Variants in APOLD1 observed in about 807,000 individuals in gnomAD.
APOLD1 encodes the protein apolipoprotein L domain-containing protein 1.
APOLD1 carries 22 observed loss-of-function variants against 15.3 expected under a neutral mutation model. That is an observed-to-expected ratio of 1.44 (90% confidence interval 1.03 to 2.05). The LOEUF is 2.05. APOLD1 is among the 30% of genes most tolerant of loss of function. The pLI is 0.00. For missense variants in APOLD1, 394 were observed against 353.5 expected (o/e 1.11, Z -0.92); for synonymous variants, 190 against 167.4 (o/e 1.13, Z -1.04).
At chr12:12,775,711 A>T (rs1461645998) in intron 1 of APOLD1, among the ~76,000 whole-genome samples, 1 of 152,204 alleles carries the variant, frequency 6.6e-6, no homozygotes, top group Non-Finnish European at 1.5e-5. Flanking sequence ...TACATTTTTT[A>T]AAAAACGATT....
rs1164458014 is a variant in APOLD1 at position 12,788,257 on chromosome 12, G to T, written c.*605G>T. ...CAGATGCGGCCTGGGTATGAAGTAG[G>T]CCTTTCCTGAGTGGCTCCCAATCCA... On this transcript the variant is annotated 3_prime_UTR_variant, in exon 2 of 2. Transcript: ENST00000356591. 6.6e-6 allele frequency: 1 copy of T among 152,356 alleles called. No homozygotes were observed. Among genetic ancestry groups the T allele is most frequent in the Non-Finnish European group, 1.5e-5 (1 of 68,226 alleles). The allele number at this position is 152,356 out of a possible 1,614,324, so 9.4% of individuals were successfully genotyped here.
In APOLD1 at chr12:12,791,463, C is replaced by A. The variant is rs1450248936; in HGVS notation, c.*3811C>A. On this transcript the variant is annotated 3_prime_UTR_variant, in exon 2 of 2. Coordinates refer to ENST00000356591, the MANE Select transcript of APOLD1 (RefSeq NM_030817.3). ...TTATTGAAATAAATTGCTCATTCCTCAAATTTTTTTATCTTTCTGTAATTA... is the reference window on the plus strand; with the variant it reads ...TTATTGAAATAAATTGCTCATTCCTAAAATTTTTTTATCTTTCTGTAATTA... The A allele has an allele frequency of 6.6e-6, 1 of 152,148 alleles. No individual in the cohort carries two copies. The highest frequency in any genetic ancestry group is 1.9e-4 in the East Asian group (1 of 5,204). 9.4% of individuals were successfully genotyped at this position (152,148 alleles called of 1,614,324 possible). A position where few individuals can be genotyped will look rare whatever the true frequency, so the allele number is the denominator to read the frequency against.
rs1947145623 is a variant in APOLD1, at chr12:12,787,722, C to G, written c.*70C>G. On this transcript the variant is annotated 3_prime_UTR_variant, in exon 2 of 2. Transcript: ENST00000356591. This position sits in a 1 kb window ranked among gnomAD's most constrained non-coding sequence, Gnocchi z 4.9. ...ATGGGATGCTCCAGAATTTGTAGCT[C>G]CCTTAGGAAAACACCAAGCTGGGTT... The G allele has an allele frequency of 6.6e-7, 1 of 1,509,408 alleles. No individual in the cohort carries two copies. The highest frequency in any genetic ancestry group is 1.3e-5 in the South Asian group (1 of 75,900). 93.5% of individuals were successfully genotyped at this position (1,509,408 alleles called of 1,614,324 possible). A position where few individuals can be genotyped will look rare whatever the true frequency, so the allele number is the denominator to read the frequency against.
intron 1 of APOLD1, among the ~76,000 whole-genome samples, chr12:12,734,771 G>A (rs865983962): frequency 2.6e-5 from 4 of 152,182 alleles, no homozygotes; most frequent in Non-Finnish European, 5.9e-5. Flanking sequence ...TAACCTAATG[G>A]TTGCTTAGTA....
chr12:12,741,405 A>G (rs915521286), intron 1 of APOLD1, among the ~76,000 whole-genome samples: 1 of 152,096 alleles, frequency 6.6e-6, no homozygotes, highest in African/African-American at 2.4e-5. Context: ...TGTAGAGACA[A>G]GGTATTGTTA....
intron 1 of APOLD1, chr12:12,764,710 G>A (rs1418427259): frequency 2.0e-6 from 1 of 503,568 alleles, no homozygotes; most frequent in East Asian, 5.7e-5. Flanking sequence ...CAATACAGTA[G>A]GAATGTTCCT....
intron 1 of APOLD1, among the ~76,000 whole-genome samples, chr12:12,737,792 G>A (rs946189327): frequency 6.6e-6 from 1 of 152,168 alleles, no homozygotes; most frequent in East Asian, 1.9e-4. Flanking sequence ...GATGTCTTCC[G>A]TGGGATTTGT....
chr12:12,743,581 T>TG (rs1565427883), intron 1 of APOLD1, among the ~76,000 whole-genome samples: 2 of 152,206 alleles, frequency 1.3e-5, no homozygotes, highest in Non-Finnish European at 2.9e-5. Flanking sequence ...TCTCACTCTG[T>TG]GGGAGGCACA....
At chr12:12,742,558 A>G (rs1022776255) in intron 1 of APOLD1, among the ~76,000 whole-genome samples, 1 of 152,050 alleles carries the variant, frequency 6.6e-6, no homozygotes, top group Non-Finnish European at 1.5e-5. Flanking sequence ...CAAGGTCAGG[A>G]GTTCAAGACC....
Position 12,764,197 on chromosome 12 carries a change from A to G in APOLD1, c.97-22712A>G, listed in dbSNP as rs191905034. On this transcript the variant is annotated intron_variant, in intron 1 of 1. Transcript: ENST00000326765. ...AGGGTAGTCTTGAACTCCTGGCCTC[A>G]GGTGATCCACCCATCTCGGCCTCCC... 1.1e-3 allele frequency among the ~76,000 whole-genome samples: 171 copies of G among 152,336 alleles called. 1 individual carries two copies. The highest frequency in any genetic ancestry group is 3.7e-4 in the Non-Finnish European group (25 of 68,024).
At chr12:12,735,222 C>T (rs570459659) in intron 1 of APOLD1, among the ~76,000 whole-genome samples, 2 of 152,042 alleles carry the variant, frequency 1.3e-5, no homozygotes, top group Non-Finnish European at 2.9e-5. Flanking sequence ...AAGACCCCAT[C>T]TCTAAAACAA....
chr12:12,765,836 G>A (rs890200553), intron 1 of APOLD1, among the ~76,000 whole-genome samples: 11 of 152,138 alleles, frequency 7.2e-5, no homozygotes, highest in African/African-American at 1.9e-4. Context: ...CACCACTGTC[G>A]TCCAGTCTGA....
At chr12:12,744,026 T>C (rs1946745968) in intron 1 of APOLD1, among the ~76,000 whole-genome samples, 1 of 152,162 alleles carries the variant, frequency 6.6e-6, no homozygotes, top group Non-Finnish European at 1.5e-5. Flanking sequence ...AGATATTAAA[T>C]TGATGATGGC....
chr12:12,770,176 G>A (rs1397920034), intron 1 of APOLD1, among the ~76,000 whole-genome samples: 3 of 152,080 alleles, frequency 2.0e-5, no homozygotes, highest in East Asian at 1.9e-4. Context: ...TTGGGAGGCC[G>A]AGGCGGGCAG....
exon 1 of APOLD1, chr12:12,725,935 G>T (rs1248272634): frequency 2.3e-6 from 3 of 1,326,498 alleles, no homozygotes; most frequent in Admixed American, 3.0e-5. Context: ...GGCAGGCGGG[G>T]GTGCGCGGGG....
In APOLD1 at chr12:12,787,716, G is replaced by C. The variant is rs1947145570; in HGVS notation, c.*64G>C. 1 of 1,515,520 alleles carries C rather than the reference G, an allele frequency of 6.6e-7. No homozygotes were observed. The highest frequency in any genetic ancestry group is 2.1e-5 in the Admixed American group (1 of 47,506). The allele number at this position is 1,515,520 out of a possible 1,614,324, so 93.9% of individuals were successfully genotyped here. A position where few individuals can be genotyped will look rare whatever the true frequency, so the allele number is the denominator to read the frequency against. ...ATCCTCATGGGATGCTCCAGAATTT[G>C]TAGCTCCCTTAGGAAAACACCAAGC... On this transcript the variant is annotated 3_prime_UTR_variant, in exon 2 of 2. Coordinates refer to ENST00000356591, the MANE Select transcript of APOLD1 (RefSeq NM_030817.3). This position sits in a 1 kb window ranked among gnomAD's most constrained non-coding sequence, Gnocchi z 4.9.
Position 12,736,354 on chromosome 12 carries a change from A to AC in APOLD1, c.96+10258_96+10259insC, listed in dbSNP as rs1946685383. On this transcript the variant is annotated intron_variant, in intron 1 of 1. Coordinates refer to the APOLD1 transcript ENST00000326765. ...CAATAAGAGTGAGAGTCTGTCTCAA[A>AC]AAAAACAAAACAAAACAAAAAAACT... 3.9e-5 allele frequency among the ~76,000 whole-genome samples: 4 copies of AC among 101,746 alleles called. No homozygotes were observed. In the South Asian group the frequency reaches 1.2e-3, roughly 30 times the overall value. The allele number at this position is 101,746 out of a possible 152,430, so 66.7% of individuals were successfully genotyped here. A position where few individuals can be genotyped will look rare whatever the true frequency, so the allele number is the denominator to read the frequency against.
At chr12:12,730,064 G>A (rs972430449) in intron 1 of APOLD1, among the ~76,000 whole-genome samples, 2 of 79,058 alleles carry the variant, frequency 2.5e-5, no homozygotes, top group African/African-American at 1.2e-4. Flanking sequence ...GTGTGTGTGT[G>A]TGTGTGTGTG....
At chr12:12,766,694 C>T (rs2136389252) in intron 1 of APOLD1, among the ~76,000 whole-genome samples, 1 of 151,944 alleles carries the variant, frequency 6.6e-6, no homozygotes, top group East Asian at 1.9e-4. Flanking sequence ...ACTAAAAATA[C>T]AAAAATTAGC....
Sources: gnomAD v4.1 joint callset for allele counts (sites outside exome capture counted in the v4.1 genomes callset) on GRCh38, gnomAD v4.1.1 for gene constraint, Gnocchi (gnomAD v3.1) non-coding constraint, MANE v1.5 for transcripts, NCBI Gene and HGNC (gene_info 2026-07-23, HGNC 2026-07-21) for gene names.